Variants in PDIA5 observed in about 807,000 individuals in gnomAD.
The protein encoded by PDIA5 is protein disulfide isomerase family A member 5.
PDIA5 carries 58 observed loss-of-function variants against 77.6 expected under a neutral mutation model. The ratio of observed to expected loss-of-function variants is 0.75; its 90% confidence interval spans 0.61 to 0.93. The LOEUF is 0.93. Ranked by LOEUF, PDIA5 falls within the 40% of genes least tolerant of loss-of-function variation. The probability of loss-of-function intolerance (pLI) is 0.00; values close to 1 mark genes in which losing one functional copy is unlikely to be tolerated. For missense variants in PDIA5, 630 were observed against 647.7 expected (o/e 0.97, Z 0.30); for synonymous variants, 250 against 252.1 (o/e 0.99, Z 0.08).
chr3:123,132,282 C>T (rs1935387423), intron 11 of PDIA5, among the ~76,000 whole-genome samples: 1 of 152,166 alleles, frequency 6.6e-6, no homozygotes, highest in Admixed American at 6.5e-5. Context: ...CTCCCCTTCC[C>T]CCACAGTATC....
In PDIA5 at chr3:123,150,350, T is replaced by C. The variant is rs778076774; in HGVS notation, c.1259T>C (p.Met420Thr). 3.1e-6 allele frequency: 5 copies of C among 1,613,668 alleles called. No individual in the cohort carries two copies. The highest frequency in any genetic ancestry group is 4.2e-6 in the Non-Finnish European group (5 of 1,179,848). ...TLKKKKHTLV[M>T]FYAPWCPHCK... Reference sequence around the variant, plus strand: ...AAGAAGAAGAAACACACCTTGGTCATGTTCTACGCCCCTTGTAAGTAGCTT... The same window carrying C: ...AAGAAGAAGAAACACACCTTGGTCACGTTCTACGCCCCTTGTAAGTAGCTT... Residue 420 changes from methionine (M) to threonine (T), a missense_variant, in exon 14 of 17, where the codon ATG (methionine) becomes ACG (threonine). Transcript: ENST00000316218.
chr3:123,121,961 A>G (rs1935131264), intron 8 of PDIA5, among the ~76,000 whole-genome samples: 1 of 152,208 alleles, frequency 6.6e-6, no homozygotes, highest in Non-Finnish European at 1.5e-5. Context: ...CAGCCACTGC[A>G]TGTTGCTGCT....
chr3:123,156,331 G>A (rs116742795), intron 15 of PDIA5, among the ~76,000 whole-genome samples: 1,661 of 152,294 alleles, frequency 0.011, 35 homozygotes, highest in African/African-American at 0.036. Flanking sequence ...CCCTGGCTGC[G>A]GCTTTGAGGC....
chr3:123,072,550 T>C (rs564673639), intron 1 of PDIA5, among the ~76,000 whole-genome samples: 1 of 152,316 alleles, frequency 6.6e-6, no homozygotes, highest in East Asian at 1.9e-4. Flanking sequence ...CGGGAGTTAC[T>C]TGGAGCTGAG....
intron 2 of PDIA5, among the ~76,000 whole-genome samples, chr3:123,090,901 C>G (rs1000467757): frequency 1.3e-5 from 2 of 152,198 alleles, no homozygotes; most frequent in Non-Finnish European, 2.9e-5. Context: ...CTTCCTGCCT[C>G]CTTGCCTAGG....
Position 123,137,161 on chromosome 3 carries a change from G to A in PDIA5, c.910+6545G>A, listed in dbSNP as rs141988171. Among the ~76,000 whole-genome samples the A allele has an allele frequency of 5.1e-4, 77 of 152,330 alleles. No homozygotes were observed. In the East Asian group the frequency reaches 0.013, roughly 27 times the overall value. On this transcript the variant is annotated intron_variant, in intron 11 of 16. Transcript: ENST00000316218. Reference sequence around the variant, plus strand: ...ACAGAAAGGTTTTCCCAAACCCAGCGGGTGACAGAGCCTTTGTCCTTGCAG... The same window carrying A: ...ACAGAAAGGTTTTCCCAAACCCAGCAGGTGACAGAGCCTTTGTCCTTGCAG...
At chr3:123,122,500 C>A (rs781307460) in intron 8 of PDIA5, among the ~76,000 whole-genome samples, 8 of 151,964 alleles carry the variant, frequency 5.3e-5, no homozygotes, top group Non-Finnish European at 1.0e-4. Flanking sequence ...GTATGTGAGG[C>A]CTTGTGCTAG....
intron 10 of PDIA5, among the ~76,000 whole-genome samples, 185 bp downstream of exon 10, chr3:123,124,528 G>T (rs530568065): frequency 1.3e-5 from 2 of 152,190 alleles, no homozygotes; most frequent in Non-Finnish European, 2.9e-5. Flanking sequence ...AATTTAGGTT[G>T]CAGGAGCCAT....
At chr3:123,150,041 T>C (rs1576464921) in intron 13 of PDIA5, among the ~76,000 whole-genome samples, 193 bp from the exon 14 acceptor site, 1 of 152,296 alleles carries the variant, frequency 6.6e-6, no homozygotes, top group Admixed American at 6.5e-5. Flanking sequence ...TCAGAGGGAA[T>C]CAGGGAAGGT....
intron 2 of PDIA5, among the ~76,000 whole-genome samples, chr3:123,090,766 A>C (rs1442011098): frequency 6.6e-6 from 1 of 151,900 alleles, no homozygotes; most frequent in Non-Finnish European, 1.5e-5. Context: ...AGGAGGTAGC[A>C]CCTAAGCTCT....
At chr3:123,124,234 C>G in intron 9 of PDIA5, 38 bp from the exon 10 acceptor site, 1 of 1,587,244 alleles carries the variant, frequency 6.3e-7, no homozygotes, top group East Asian at 2.2e-5. Context: ...GCATTTGCAT[C>G]CGTGACTGAG....
intron 10 of PDIA5, among the ~76,000 whole-genome samples, chr3:123,128,981 G>A (rs775527655): frequency 9.2e-5 from 14 of 152,322 alleles, no homozygotes; most frequent in African/African-American, 3.1e-4. Context: ...AGTGCATAGA[G>A]AACATCATTC....
chr3:123,157,311 C>G (rs1474037412), intron 15 of PDIA5, among the ~76,000 whole-genome samples: 2 of 152,206 alleles, frequency 1.3e-5, no homozygotes, highest in African/African-American at 4.8e-5. Flanking sequence ...GGCACTGTGA[C>G]TACTGGGTCC....
At chr3:123,121,664 C>T (rs547692526) in intron 8 of PDIA5, among the ~76,000 whole-genome samples, 2 of 152,188 alleles carry the variant, frequency 1.3e-5, no homozygotes, top group African/African-American at 4.8e-5. Context: ...GGATGGGCAG[C>T]CTCAGTAAGG....
chr3:123,087,513 G>T (rs1934174113), intron 1 of PDIA5, among the ~76,000 whole-genome samples: 1 of 147,732 alleles, frequency 6.8e-6, no homozygotes. Flanking sequence ...TTATTTCTGT[G>T]ATAGTTTTAC....
rs186217502 is a variant in PDIA5, at chr3:123,097,545, C to T, written c.258-4866C>T. Among the ~76,000 whole-genome samples the T allele has an allele frequency of 1.0e-3, 159 of 152,312 alleles. 2 individuals are homozygous for T. Among genetic ancestry groups the T allele is most frequent in the African/African-American group, 3.7e-3 (155 of 41,552 alleles). ...AGAGAGTGCTACGTGACCACCACGA[C>T]CTGTCCAAGTTCAAGGTTCAGCTCT... On this transcript the variant is annotated intron_variant, in intron 3 of 16. Transcript: ENST00000316218.
At chr3:123,101,906 C>CTTGTTTTTTTT (rs1934607949) in intron 3 of PDIA5, among the ~76,000 whole-genome samples, 1 of 71,378 alleles carries the variant, frequency 1.4e-5, no homozygotes, top group African/African-American at 5.4e-5. Flanking sequence ...TTCTTTCTTG[C>CTTGTTTTTTTT]TTTTTTTTTT....
At chr3:123,105,630 T>G (rs1934705209) in intron 5 of PDIA5, among the ~76,000 whole-genome samples, 1 of 151,818 alleles carries the variant, frequency 6.6e-6, no homozygotes, top group Admixed American at 6.6e-5. Flanking sequence ...CCAAATAGAG[T>G]TTCCAGAAAT....
At chr3:123,130,955 G>C (rs1935357921) in intron 11 of PDIA5, among the ~76,000 whole-genome samples, 1 of 152,164 alleles carries the variant, frequency 6.6e-6, no homozygotes, top group Non-Finnish European at 1.5e-5. Flanking sequence ...ATGTTACCTA[G>C]AACAGACTGG....
Sources: gnomAD v4.1 joint callset for allele counts (sites outside exome capture counted in the v4.1 genomes callset) on GRCh38, gnomAD v4.1.1 for gene constraint, MANE v1.5 for transcripts, NCBI Gene and HGNC (gene_info 2026-07-23, HGNC 2026-07-21) for gene names.